TENM3: variants seen among roughly 807,000 people sequenced by gnomAD.
The protein encoded by TENM3 is teneurin-3.
In TENM3, 63 loss-of-function variants were observed where a neutral mutation model predicts 255.1. The ratio of observed to expected loss-of-function variants is 0.25; its 90% CI spans 0.20 to 0.30. The LOEUF (loss-of-function observed/expected upper bound fraction) is 0.30, where lower values mean the gene tolerates loss of function less well. TENM3 is among the 10% of genes least tolerant of loss of function. The pLI, the probability that TENM3 is intolerant of heterozygous loss-of-function variation, is 1.00. For missense variants in TENM3, 2,929 were observed against 3,461.1 expected, an observed-to-expected ratio of 0.85 and a Z score of 3.86; for synonymous variants, 1,306 against 1,322.3, an observed-to-expected ratio of 0.99 and a Z score of 0.27.
the TENM3 span, among the ~76,000 whole-genome samples, chr4:181,924,211 T>C: frequency 6.6e-6 from 1 of 152,190 alleles, no homozygotes. Flanking sequence ...GCAAACCCAC[T>C]GTGCATATAG....
chr4:182,337,093 G>T (rs535162015), intron 2 of TENM3, among the ~76,000 whole-genome samples: 1 of 152,000 alleles, frequency 6.6e-6, no homozygotes, highest in Non-Finnish European at 1.5e-5. Flanking sequence ...TTAGAAAACC[G>T]CAGTAAAAAG....
At chr4:181,909,547 C>G in the TENM3 span, among the ~76,000 whole-genome samples, 3 of 152,200 alleles carry the variant, frequency 2.0e-5, no homozygotes, top group South Asian at 2.1e-4. Flanking sequence ...GGCTGCTGTT[C>G]TTCCAGATCC....
rs200124873 is a variant in TENM3, at chr4:182,257,353, G to A, written c.-76+13877G>A. On this transcript the variant is annotated intron_variant, in intron 1 of 27. Coordinates refer to ENST00000511685, the MANE Select transcript of TENM3 (RefSeq NM_001080477.4). ...CACATAGGTATTTTTTGCAAGTTAC[G>A]CAGTGGTGCCCTCCAAGGCCCACCT... is the stretch of plus-strand genomic sequence containing the variant. 2.4e-4 allele frequency among the ~76,000 whole-genome samples: 37 copies of A among 152,200 alleles called. No homozygotes were observed. The East Asian group carries it at 6.2e-3, about 25-fold the overall frequency.
chr4:182,688,369 C>A lies in TENM3; in HGVS notation c.2221+18C>A. 6.4e-7 allele frequency: 1 copy of A among 1,552,154 alleles called. No homozygotes were observed. Among genetic ancestry groups the A allele is most frequent in the Non-Finnish European group, 8.8e-7 (1 of 1,142,708 alleles). ...CACTATCGGTAGGCTTACTGCAAGT[C>A]TGTGTCTGTCCCCTTCCTCCCAGAG... On this transcript the variant is annotated intron_variant, in intron 12 of 27. Transcript: ENST00000511685.
At chr4:181,844,760 T>C in the TENM3 span, among the ~76,000 whole-genome samples, 4 of 152,220 alleles carry the variant, frequency 2.6e-5, no homozygotes, top group African/African-American at 4.8e-5. Context: ...TGGAAAATTA[T>C]GACAATCTCC....
chr4:181,672,434 C>T, the TENM3 span, among the ~76,000 whole-genome samples: 3 of 152,100 alleles, frequency 2.0e-5, no homozygotes, highest in Non-Finnish European at 4.4e-5. Context: ...AAGGATTTTT[C>T]GTATAACATC....
At chr4:182,173,304 A>G (rs943964499) in intron 1 of TENM3, among the ~76,000 whole-genome samples, 2 of 152,204 alleles carry the variant, frequency 1.3e-5, no homozygotes, top group Non-Finnish European at 1.5e-5. Flanking sequence ...TGACAATGCA[A>G]TGTCAGAGTG....
At chr4:181,804,070 G>GGAAAGAAA in the TENM3 span, among the ~76,000 whole-genome samples, 2 of 83,106 alleles carry the variant, frequency 2.4e-5, no homozygotes, top group Non-Finnish European at 5.4e-5. Flanking sequence ...GAAAGAGAAA[G>GGAAAGAAA]GAAAGAAAGA....
chr4:182,449,046 G>C (rs1215674285), intron 3 of TENM3: 1 of 372,270 alleles, frequency 2.7e-6, no homozygotes, highest in African/African-American at 2.2e-5. Context: ...CGCTGGGCTC[G>C]GTTCCTCACG....
rs756277145 is a variant in TENM3 at position 182,792,426 on chromosome 4, G to A, written c.5754G>A (p.Pro1918=). 4.5e-5 allele frequency: 72 copies of A among 1,613,802 alleles called. No homozygotes were observed. The highest frequency in any genetic ancestry group is 6.7e-5 in the East Asian group (3 of 44,880). ...ACTACCGCAACATATACAACCCCCC[G>A]GAAAGCAACGCCTCCATCATCACGG... The part of the protein sequence containing the change: ...IGYYRNIYNP[P]ESNASIITDY... Residue 1918 remains proline, a synonymous_variant, in exon 26 of 28, where the codon CCG becomes CCA. Transcript: ENST00000511685. The surrounding 1 kb of genome is among the most constrained non-coding windows in gnomAD (Gnocchi z 6.3).
the TENM3 span, among the ~76,000 whole-genome samples, chr4:181,957,469 GA>G: frequency 6.6e-6 from 1 of 152,154 alleles, no homozygotes; most frequent in African/African-American, 2.4e-5. Flanking sequence ...ATCACAGGGT[GA>G]ATTTTATAAA....
intron 7 of TENM3, among the ~76,000 whole-genome samples, chr4:182,677,575 T>C (rs1755767834): frequency 2.0e-5 from 3 of 152,214 alleles, no homozygotes; most frequent in Admixed American, 6.5e-5. Flanking sequence ...GAATTAATTT[T>C]CCTCTGACAA....
chr4:181,474,066 A>C, the TENM3 span, among the ~76,000 whole-genome samples: 1 of 152,200 alleles, frequency 6.6e-6, no homozygotes, highest in East Asian at 1.9e-4. Flanking sequence ...CAAGAATAGG[A>C]AACCAAACAC....
the TENM3 span, among the ~76,000 whole-genome samples, chr4:181,460,670 C>A: frequency 9.4e-6 from 1 of 105,964 alleles, no homozygotes; most frequent in African/African-American, 3.3e-5. Flanking sequence ...GCCTTACTAG[C>A]TATAGTTCTT....
chr4:182,589,225 G>A (rs565970062), intron 3 of TENM3, among the ~76,000 whole-genome samples: 5 of 151,838 alleles, frequency 3.3e-5, no homozygotes, highest in South Asian at 2.1e-4. Flanking sequence ...TGAAGTACTC[G>A]TATATATGTA....
At chr4:182,124,185 G>A in the TENM3 span, among the ~76,000 whole-genome samples, 1 of 152,084 alleles carries the variant, frequency 6.6e-6, no homozygotes, top group African/African-American at 2.4e-5. Context: ...CCGAGTAGCT[G>A]GGACTACAGG....
chr4:181,855,203 T>G, the TENM3 span, among the ~76,000 whole-genome samples: 26 of 152,340 alleles, frequency 1.7e-4, no homozygotes, highest in Middle Eastern at 6.8e-3. Flanking sequence ...ATTGTGTTAT[T>G]AGACACTGTA....
rs376587239 is a variant in TENM3, at chr4:182,361,549, G to A, written c.511+14620G>A. ...CTTCTGCATTCTTCACGTAGTTCTC[G>A]AGCCTTGGCTTTCAGCTCCATCAGC... On this transcript the variant is annotated intron_variant, in intron 3 of 27. Coordinates refer to ENST00000511685, the MANE Select transcript of TENM3 (RefSeq NM_001080477.4). 3.3e-5 allele frequency among the ~76,000 whole-genome samples: 5 copies of A among 151,966 alleles called. No individual in the cohort carries two copies. The East Asian group carries it at 5.8e-4, about 18-fold the overall frequency.
At chr4:181,609,080 G>GT in the TENM3 span, among the ~76,000 whole-genome samples, 1 of 152,008 alleles carries the variant, frequency 6.6e-6, no homozygotes, top group Non-Finnish European at 1.5e-5. Context: ...AAGGAAGACA[G>GT]GAAAGGAGAA....
Sources: gnomAD v4.1 joint callset for allele counts (sites outside exome capture counted in the v4.1 genomes callset) on GRCh38, gnomAD v4.1.1 for gene constraint, Gnocchi (gnomAD v3.1) non-coding constraint, MANE v1.5 for transcripts, NCBI Gene and HGNC (gene_info 2026-07-23, HGNC 2026-07-21) for gene names.